The following GALNTL6 variants were observed in gnomAD, a reference collection of about 807,000 sequenced individuals.
GALNTL6 encodes polypeptide N-acetylgalactosaminyltransferase-like 6.
In GALNTL6, 46 loss-of-function variants were observed where a neutral mutation model predicts 73.7. The ratio of observed to expected loss-of-function variants is 0.62; its 90% CI spans 0.49 to 0.80. The LOEUF (loss-of-function observed/expected upper bound fraction) is 0.80. Ranked by LOEUF, GALNTL6 falls within the 30% of genes least tolerant of loss-of-function variation. The pLI is 0.00. For synonymous variants in GALNTL6, 259 were observed against 263.7 expected (o/e 0.98, Z 0.17); for missense variants, 604 against 755.0 (o/e 0.80, Z 2.34).
chr4:172,958,555 C>T (rs1360900372), intron 10 of GALNTL6, among the ~76,000 whole-genome samples: 1 of 152,090 alleles, frequency 6.6e-6, no homozygotes, highest in African/African-American at 2.4e-5. Flanking sequence ...CGAAAGTATC[C>T]AACCATGCCT....
intron 2 of GALNTL6, among the ~76,000 whole-genome samples, chr4:172,163,924 A>T (rs996027146): frequency 2.0e-5 from 3 of 152,066 alleles, no homozygotes; most frequent in African/African-American, 7.2e-5. Context: ...TTTCAGTTAC[A>T]AAAATCACAT....
intron 2 of GALNTL6, among the ~76,000 whole-genome samples, chr4:171,989,637 G>A (rs1740268973): frequency 1.3e-5 from 2 of 152,158 alleles, no homozygotes. Flanking sequence ...ATTGCTACTT[G>A]GCTGCCTCTA....
chr4:172,248,702 G>C (rs1335192437), intron 3 of GALNTL6, among the ~76,000 whole-genome samples: 1 of 151,976 alleles, frequency 6.6e-6, no homozygotes, highest in African/African-American at 2.4e-5. Flanking sequence ...TGAATCATGG[G>C]GGTGGTTCCC....
Position 172,912,476 on chromosome 4 carries a change from C to G in GALNTL6, c.1042-18685C>G, listed in dbSNP as rs113934121. Among the ~76,000 whole-genome samples, 622 of 152,300 alleles carry G rather than the reference C, an allele frequency of 4.1e-3. 6 individuals are homozygous for G. The highest frequency in any genetic ancestry group is 0.014 in the African/African-American group (587 of 41,542). ...AATTCCCTTTCCTAGACAAGGGAAG[C>G]CATGACAGACGGTACCTGCAAAATA... is the stretch of plus-strand genomic sequence containing the variant. On this transcript the variant is annotated intron_variant, in intron 8 of 12. Transcript: ENST00000506823.
intron 2 of GALNTL6, among the ~76,000 whole-genome samples, chr4:171,864,007 C>G (rs1168288667): frequency 6.6e-6 from 1 of 152,102 alleles, no homozygotes; most frequent in Non-Finnish European, 1.5e-5. Context: ...GGTGATCCAC[C>G]TGCCTCGGCC....
intron 5 of GALNTL6, among the ~76,000 whole-genome samples, chr4:172,429,544 G>A (rs2111378903): frequency 6.6e-6 from 1 of 152,222 alleles, no homozygotes; most frequent in East Asian, 1.9e-4. Context: ...ATGGATTTTG[G>A]AAGAGAGGTA....
intron 2 of GALNTL6, among the ~76,000 whole-genome samples, chr4:172,159,017 T>G (rs1017955879): frequency 3.9e-5 from 6 of 152,204 alleles, no homozygotes; most frequent in African/African-American, 1.4e-4. Flanking sequence ...AGAAAGCAGT[T>G]ATTTTTGGAA....
chr4:172,718,271 A>G (rs1735231269), intron 5 of GALNTL6, among the ~76,000 whole-genome samples: 3 of 152,196 alleles, frequency 2.0e-5, no homozygotes, highest in Admixed American at 6.5e-5. Flanking sequence ...CCTGATTTAT[A>G]TCATGTCATA....
At chr4:173,012,925 G>A (rs1752618072) in intron 11 of GALNTL6, among the ~76,000 whole-genome samples, 1 of 152,178 alleles carries the variant, frequency 6.6e-6, no homozygotes, top group Non-Finnish European at 1.5e-5. Context: ...CTCACTTGAG[G>A]TCAGGAGTTC....
At chr4:172,893,588 G>C (rs567748768) in intron 8 of GALNTL6, among the ~76,000 whole-genome samples, 21 of 152,344 alleles carry the variant, frequency 1.4e-4, no homozygotes, top group African/African-American at 4.3e-4. Flanking sequence ...CAGGCAGGCA[G>C]TCTTGGGAAG....
intron 2 of GALNTL6, among the ~76,000 whole-genome samples, chr4:171,977,744 T>A (rs75331066): frequency 0.018 from 2,715 of 152,316 alleles, 39 homozygotes; most frequent in South Asian, 0.052. Flanking sequence ...TCAATGCATC[T>A]GTTGCATATT....
chr4:172,223,891 T>G (rs533372596), intron 2 of GALNTL6, among the ~76,000 whole-genome samples: 2 of 152,240 alleles, frequency 1.3e-5, no homozygotes, highest in Non-Finnish European at 2.9e-5. Context: ...TTGTGTTAGT[T>G]TTTTGATAGT....
At chr4:172,481,948 C>T (rs773853019) in intron 5 of GALNTL6, among the ~76,000 whole-genome samples, 1 of 152,168 alleles carries the variant, frequency 6.6e-6, no homozygotes, top group East Asian at 1.9e-4. Context: ...CAGTGCCCGT[C>T]GGGGAGGCTC....
At chr4:172,933,816 C>G (rs1393752010) in intron 9 of GALNTL6, among the ~76,000 whole-genome samples, 2 of 152,140 alleles carry the variant, frequency 1.3e-5, no homozygotes, top group Non-Finnish European at 1.5e-5. Context: ...ATCTTGCAGC[C>G]TCATCAGGAA....
intron 5 of GALNTL6, among the ~76,000 whole-genome samples, chr4:172,651,284 A>G (rs942144858): frequency 2.0e-5 from 3 of 152,236 alleles, no homozygotes; most frequent in Admixed American, 6.5e-5. Flanking sequence ...AATGAGTTCT[A>G]TAAAAGGGAA....
At chr4:172,612,531 G>C (rs563652347) in intron 5 of GALNTL6, among the ~76,000 whole-genome samples, 1 of 151,972 alleles carries the variant, frequency 6.6e-6, no homozygotes, top group Non-Finnish European at 1.5e-5. Flanking sequence ...GTCACACTGG[G>C]CAGAATTAAG....
At position 173,003,669 on chromosome 4, in the gene GALNTL6, G is replaced by A. The variant is rs142949537; in HGVS notation, c.1372-5509G>A. 6.2e-4 allele frequency among the ~76,000 whole-genome samples: 94 copies of A among 152,304 alleles called. No homozygotes were observed. The East Asian group carries it at 0.011, about 18-fold the overall frequency. ...TTTTACAAACCTTATGTTGAGCCAT[G>A]CTATATCATGTGCCATTCCCTAAAA... On this transcript the variant is annotated intron_variant, in intron 10 of 12. Coordinates refer to ENST00000506823, the MANE Select transcript of GALNTL6 (RefSeq NM_001034845.3).
At chr4:172,410,599 A>G (rs1744396984) in intron 5 of GALNTL6, among the ~76,000 whole-genome samples, 1 of 152,096 alleles carries the variant, frequency 6.6e-6, no homozygotes, top group African/African-American at 2.4e-5. Flanking sequence ...ATGGTCTGCA[A>G]AGTTATTCAA....
chr4:172,943,040 A>G (rs532467264), intron 9 of GALNTL6, among the ~76,000 whole-genome samples: 1 of 152,022 alleles, frequency 6.6e-6, no homozygotes, highest in South Asian at 2.1e-4. Flanking sequence ...AACAAGTACA[A>G]TCTTAAGGGA....
Sources: gnomAD v4.1 joint callset for allele counts (sites outside exome capture counted in the v4.1 genomes callset) on GRCh38, gnomAD v4.1.1 for gene constraint, MANE v1.5 for transcripts, NCBI Gene and HGNC (gene_info 2026-07-23, HGNC 2026-07-21) for gene names.